CAMTA1: variants seen among roughly 807,000 people sequenced by gnomAD.
CAMTA1 encodes the protein calmodulin-binding transcription activator 1.
Under a neutral mutation model 170.9 loss-of-function variants are expected in CAMTA1, and 27 were observed. The observed-to-expected ratio is 0.16, with a 90% CI of 0.12 to 0.22. The LOEUF is 0.22. Ranked by LOEUF, CAMTA1 falls within the 10% of genes least tolerant of loss-of-function variation. CAMTA1 has a pLI of 1.00. For missense variants in CAMTA1, 1,619 were observed against 2,217.2 expected (o/e 0.73, Z 5.42); for synonymous variants, 833 against 891.5 (o/e 0.93, Z 1.17).
At chr1:7,387,755 T>C (rs2088179349) in intron 5 of CAMTA1, among the ~76,000 whole-genome samples, 1 of 152,212 alleles carries the variant, frequency 6.6e-6, no homozygotes, top group African/African-American at 2.4e-5. Context: ...GAATTTTGCT[T>C]AATCTTGGAA....
chr1:6,837,646 C>G (rs908013007), intron 3 of CAMTA1, among the ~76,000 whole-genome samples: 5 of 152,124 alleles, frequency 3.3e-5, no homozygotes, highest in African/African-American at 1.2e-4. Flanking sequence ...GCAACAGATC[C>G]GCATTCCTGG....
chr1:7,710,220 T>G (rs746126170), intron 11 of CAMTA1, among the ~76,000 whole-genome samples: 19 of 152,244 alleles, frequency 1.2e-4, no homozygotes, highest in Non-Finnish European at 2.1e-4. Flanking sequence ...CAAGACAGTT[T>G]ATTGCTACTG....
chr1:7,210,221 AGTTTCCAT>A (rs1336687096), intron 4 of CAMTA1, among the ~76,000 whole-genome samples: 1 of 152,360 alleles, frequency 6.6e-6, no homozygotes, highest in East Asian at 1.9e-4. Flanking sequence ...CGTTATGTTT[AGTTTCCAT>A]GTCTCTGTAA....
chr1:6,830,417 C>T (rs1480455812), intron 3 of CAMTA1, among the ~76,000 whole-genome samples: 2 of 150,206 alleles, frequency 1.3e-5, no homozygotes, highest in East Asian at 4.0e-4. Flanking sequence ...GATCTCAGCT[C>T]ACTGCAACCT....
chr1:6,985,985 G>C (rs369887651), intron 3 of CAMTA1, among the ~76,000 whole-genome samples: 7 of 152,188 alleles, frequency 4.6e-5, no homozygotes, highest in African/African-American at 1.7e-4. Flanking sequence ...GGCCCTACCT[G>C]TTTCCTTCAG....
intron 3 of CAMTA1, among the ~76,000 whole-genome samples, chr1:7,024,490 A>G (rs2101001276): frequency 6.6e-6 from 1 of 152,376 alleles, no homozygotes; most frequent in African/African-American, 2.4e-5. Context: ...AAAGGAATAA[A>G]TAGGGTAAAT....
intron 1 of CAMTA1, among the ~76,000 whole-genome samples, chr1:6,815,826 G>T (rs537091362): frequency 6.6e-6 from 1 of 152,192 alleles, no homozygotes. Context: ...TTCTCCCTCA[G>T]ACCTGTGAAT....
intron 4 of CAMTA1, among the ~76,000 whole-genome samples, chr1:7,211,452 T>C (rs1451530764): frequency 2.0e-5 from 3 of 152,252 alleles, no homozygotes; most frequent in Non-Finnish European, 4.4e-5. Context: ...ATTCTCACCA[T>C]AGATTAGCTT....
rs185386188 is a variant in CAMTA1 at position 7,513,607 on chromosome 1, T to A, written c.510+45706T>A. ...ATGTTCACATGATCTTCTTCCTGTG[T>A]CCATGGCTTTTTCTTACCAAAACAC... is the stretch of plus-strand genomic sequence containing the variant. On this transcript the variant is annotated intron_variant, in intron 6 of 22. Transcript: ENST00000303635. Among the ~76,000 whole-genome samples, 26 of 152,256 alleles carry A rather than the reference T, an allele frequency of 1.7e-4. No homozygotes were observed. In the East Asian group the frequency reaches 5.0e-3, roughly 29 times the overall value.
intron 4 of CAMTA1, among the ~76,000 whole-genome samples, chr1:7,142,569 A>G (rs953601793): frequency 4.6e-5 from 7 of 152,178 alleles, no homozygotes; most frequent in South Asian, 4.1e-4. Flanking sequence ...TCCTTCATGA[A>G]TGGCTTGGTG....
In CAMTA1 at chr1:7,499,955, G is replaced by C. The variant is rs541644423; in HGVS notation, c.510+32054G>C. 4.9e-5 allele frequency among the ~76,000 whole-genome samples: 7 copies of C among 144,088 alleles called. No individual in the cohort carries two copies. In the South Asian group the frequency reaches 1.5e-3, roughly 30 times the overall value. 94.5% of individuals were successfully genotyped at this position (144,088 alleles called of 152,430 possible). On this transcript the variant is annotated intron_variant, in intron 6 of 22. Coordinates refer to ENST00000303635, the MANE Select transcript of CAMTA1 (RefSeq NM_015215.4). ...TGCAGAGAGGATGAGTGTGTGGAGA[G>C]GACTGTGTGAGCCTGGTGTGCGTGC...
intron 5 of CAMTA1, among the ~76,000 whole-genome samples, chr1:7,330,308 C>G (rs948792711): frequency 6.6e-6 from 1 of 152,194 alleles, no homozygotes; most frequent in Non-Finnish European, 1.5e-5. Flanking sequence ...GTAATAGTCG[C>G]AGGACCCGGA....
chr1:6,911,040 G>T (rs190358561), intron 3 of CAMTA1, among the ~76,000 whole-genome samples: 1 of 152,218 alleles, frequency 6.6e-6, no homozygotes, highest in Non-Finnish European at 1.5e-5. Flanking sequence ...GTTACCTTCC[G>T]TTTGGAGCAG....
intron 11 of CAMTA1, among the ~76,000 whole-genome samples, chr1:7,690,200 G>A (rs184544805): frequency 3.3e-5 from 5 of 152,288 alleles, no homozygotes; most frequent in South Asian, 2.1e-4. Context: ...AGCCCTGGGC[G>A]GCTTCTGTGT....
intron 5 of CAMTA1, among the ~76,000 whole-genome samples, chr1:7,315,853 A>G (rs1004100226): frequency 3.9e-5 from 6 of 152,080 alleles, no homozygotes; most frequent in African/African-American, 1.4e-4. Context: ...CCTTCATGCC[A>G]TCTCCTCCTC....
Position 6,899,562 on chromosome 1 carries a change from A to G in CAMTA1, c.234+74352A>G, listed in dbSNP as rs947857385. Among the ~76,000 whole-genome samples the G allele has an allele frequency of 1.8e-3, 238 of 132,786 alleles. 1 individual carries two copies. The highest frequency in any genetic ancestry group is 8.6e-3 in the South Asian group (40 of 4,662). The allele number at this position is 132,786 out of a possible 152,430, so 87.1% of individuals were successfully genotyped here. A position where few individuals can be genotyped will look rare whatever the true frequency, so the allele number is the denominator to read the frequency against. On this transcript the variant is annotated intron_variant, in intron 3 of 22. Transcript: ENST00000303635. Reference sequence around the variant, plus strand: ...AACGCGCACGCGCGCGCGCACACACACACACACACACACACACACACACAC... The same window carrying G: ...AACGCGCACGCGCGCGCGCACACACGCACACACACACACACACACACACAC...
At chr1:7,541,058 C>A (rs2094605684) in intron 6 of CAMTA1, among the ~76,000 whole-genome samples, 1 of 152,224 alleles carries the variant, frequency 6.6e-6, no homozygotes, top group Admixed American at 6.5e-5. Flanking sequence ...GATGTGGGGG[C>A]TGTGCTGGGC....
Position 7,560,485 on chromosome 1 carries a change from C to T in CAMTA1, c.511-79915C>T, listed in dbSNP as rs540198161. ...CAGTTTTCTCCTCTGTGAAATGAGCCATGTAGAAGATGGGATGGCCAATGT... is the reference window on the plus strand; with the variant it reads ...CAGTTTTCTCCTCTGTGAAATGAGCTATGTAGAAGATGGGATGGCCAATGT... On this transcript the variant is annotated intron_variant, in intron 6 of 22. Transcript: ENST00000303635. Among the ~76,000 whole-genome samples, 72 of 152,246 alleles carry T rather than the reference C, an allele frequency of 4.7e-4. 2 individuals are homozygous for T. In the South Asian group the frequency reaches 0.014, roughly 29 times the overall value.
chr1:6,988,606 C>G (rs564156792), intron 3 of CAMTA1, among the ~76,000 whole-genome samples: 32 of 152,066 alleles, frequency 2.1e-4, no homozygotes, highest in Admixed American at 1.1e-3. Flanking sequence ...CCCCCCACCC[C>G]CTACCCCTGC....
Sources: allele counts gnomAD v4.1 joint callset (sites outside exome capture counted in the v4.1 genomes callset), GRCh38; gene constraint gnomAD v4.1.1; transcripts MANE v1.5; gene names NCBI Gene and HGNC (gene_info 2026-07-23, HGNC 2026-07-21).